Variants in DIP2C observed in about 807,000 individuals in gnomAD.
DIP2C encodes the protein DIP2 acetate--CoA ligase C (putative).
In DIP2C, 33 loss-of-function variants were observed where a neutral mutation model predicts 192.4. The observed-to-expected ratio is 0.17, with a 90% CI of 0.13 to 0.23. DIP2C has a LOEUF of 0.23. Ranked by LOEUF, DIP2C falls within the 10% of genes least tolerant of loss-of-function variation. The pLI is 1.00. For missense variants in DIP2C, 1,537 were observed against 2,110.1 expected, an observed-to-expected ratio of 0.73 and a Z score of 5.32; for synonymous variants, 979 against 864.1, an observed-to-expected ratio of 1.13 and a Z score of -2.33.
chr10:383,134 A>G (rs965527318), intron 16 of DIP2C, among the ~76,000 whole-genome samples: 14 of 152,254 alleles, frequency 9.2e-5, no homozygotes, highest in Non-Finnish European at 1.8e-4. Flanking sequence ...CACAATTATC[A>G]AGAACATATC....
chr10:348,627 C>T lies in DIP2C; in HGVS notation c.3231+14G>A. On this transcript the variant is annotated intron_variant, in intron 26 of 36. Coordinates refer to ENST00000280886, the MANE Select transcript of DIP2C (RefSeq NM_014974.3). The stretch of plus-strand genomic sequence containing the variant: ...CCAGGCAGGTGGAGGCCCCGACATT[C>T]CCAGGCATGTTACCTCCACAATCAT... 6.2e-7 allele frequency: 1 copy of T among 1,611,262 alleles called. No homozygotes were observed. Among genetic ancestry groups the T allele is most frequent in the Non-Finnish European group, 8.5e-7 (1 of 1,179,022 alleles).
intron 1 of DIP2C, among the ~76,000 whole-genome samples, chr10:487,053 C>A (rs540534717): frequency 4.6e-5 from 7 of 152,328 alleles, no homozygotes; most frequent in East Asian, 1.9e-4. Flanking sequence ...GTGAAACCTG[C>A]AGAAATCCAG....
chr10:571,927 A>T (rs1310368613), intron 1 of DIP2C, among the ~76,000 whole-genome samples: 2 of 152,248 alleles, frequency 1.3e-5, no homozygotes, highest in Non-Finnish European at 2.9e-5. Context: ...ATCAACTGCG[A>T]ATTATTTTGT....
intron 26 of DIP2C, 64 bp downstream of exon 26, chr10:348,577 C>T (rs771359263): frequency 2.7e-5 from 42 of 1,574,056 alleles, no homozygotes; most frequent in Admixed American, 5.7e-5. Flanking sequence ...TCAGAGTCTG[C>T]GCGTTGCAAG....
chr10:642,798 A>C (rs1395786371), intron 1 of DIP2C, among the ~76,000 whole-genome samples: 4 of 152,266 alleles, frequency 2.6e-5, no homozygotes, highest in Admixed American at 2.6e-4. Flanking sequence ...GCAGTGTTCA[A>C]GGGAGGCTAA....
At chr10:579,543 A>T (rs11253260) in intron 1 of DIP2C, among the ~76,000 whole-genome samples, 33,623 of 151,868 alleles carry the variant, frequency 0.22, 6,386 homozygotes, top group African/African-American at 0.52. Flanking sequence ...CAGATCCATA[A>T]AGTGTACATA....
intron 32 of DIP2C, among the ~76,000 whole-genome samples, chr10:307,831 C>A (rs566087722): frequency 8.1e-4 from 122 of 150,056 alleles, no homozygotes; most frequent in African/African-American, 2.8e-3. Context: ...TGGGCGGGGC[C>A]CGGCACACAG....
chr10:319,988 C>T (rs1956936981), intron 31 of DIP2C, among the ~76,000 whole-genome samples: 1 of 152,180 alleles, frequency 6.6e-6, no homozygotes, highest in South Asian at 2.1e-4. Context: ...GCGTGAATGA[C>T]TCTTAAGGTG....
At chr10:425,674 C>T (rs560103206) in intron 4 of DIP2C, among the ~76,000 whole-genome samples, 397 of 152,156 alleles carry the variant, frequency 2.6e-3, no homozygotes, top group Non-Finnish European at 4.9e-3. Context: ...ACGGATGATA[C>T]AGCATGACCA....
intron 1 of DIP2C, among the ~76,000 whole-genome samples, chr10:676,361 C>T (rs1035158786): frequency 5.9e-5 from 9 of 152,072 alleles, no homozygotes; most frequent in Non-Finnish European, 1.0e-4. Flanking sequence ...AAGACAAGGA[C>T]GCCCACTTGT....
chr10:383,565 C>A (rs569807600), intron 16 of DIP2C, among the ~76,000 whole-genome samples: 1 of 152,150 alleles, frequency 6.6e-6, no homozygotes, highest in African/African-American at 2.4e-5. Context: ...ACATTTAAAA[C>A]GACAAATTAA....
chr10:480,416 C>T (rs908980253), intron 2 of DIP2C, among the ~76,000 whole-genome samples: 9 of 142,052 alleles, frequency 6.3e-5, no homozygotes, highest in South Asian at 2.3e-4. Context: ...CCCCAGTCCA[C>T]GCTCACTGGA....
chr10:498,490 C>CCA (rs978233296), intron 1 of DIP2C, among the ~76,000 whole-genome samples: 1 of 152,096 alleles, frequency 6.6e-6, no homozygotes, highest in Non-Finnish European at 1.5e-5. Context: ...CTGACAGACC[C>CCA]CACCAGGACG....
At chr10:669,763 T>C (rs1027619942) in intron 1 of DIP2C, among the ~76,000 whole-genome samples, 2 of 152,224 alleles carry the variant, frequency 1.3e-5, no homozygotes, top group Non-Finnish European at 2.9e-5. Context: ...ATCATAAATA[T>C]GCAAAAGTGA....
At chr10:575,155 A>G (rs988980815) in intron 1 of DIP2C, among the ~76,000 whole-genome samples, 1 of 152,238 alleles carries the variant, frequency 6.6e-6, no homozygotes, top group South Asian at 2.1e-4. Flanking sequence ...AAAACAGCGG[A>G]AAAGCAAAAC....
chr10:320,489 C>T (rs1205818706), intron 31 of DIP2C, among the ~76,000 whole-genome samples: 2 of 135,482 alleles, frequency 1.5e-5, no homozygotes, highest in Non-Finnish European at 3.1e-5. Context: ...GCCTGGATGA[C>T]AAGAGCAAGA....
intron 10 of DIP2C, 150 bp downstream of exon 10, chr10:398,959 G>T (rs1964199472): frequency 3.1e-6 from 2 of 639,286 alleles, no homozygotes; most frequent in Non-Finnish European, 5.4e-6. Flanking sequence ...CCAGGCTGCA[G>T]GGCCCACTAG....
intron 10 of DIP2C, among the ~76,000 whole-genome samples, chr10:397,004 G>C (rs1964043149): frequency 6.6e-6 from 1 of 152,206 alleles, no homozygotes; most frequent in Non-Finnish European, 1.5e-5. Context: ...GTTTCCAAAA[G>C]GAACCCCGTG....
chr10:603,957 C>T (rs1036809581), intron 1 of DIP2C, among the ~76,000 whole-genome samples: 9 of 149,104 alleles, frequency 6.0e-5, no homozygotes, highest in Non-Finnish European at 1.2e-4. Flanking sequence ...CCAACCACTG[C>T]CCCACCCTTG....
Sources: gnomAD v4.1 joint callset for allele counts (sites outside exome capture counted in the v4.1 genomes callset) on GRCh38, gnomAD v4.1.1 for gene constraint, MANE v1.5 for transcripts, NCBI Gene and HGNC (gene_info 2026-07-23, HGNC 2026-07-21) for gene names.